Variants in GRIN2A observed in about 807,000 individuals in gnomAD.
GRIN2A encodes glutamate receptor ionotropic, NMDA 2A.
A neutral mutation model predicts 113.4 loss-of-function variants in GRIN2A; 22 were observed. The ratio of observed to expected loss-of-function variants is 0.19; its 90% CI spans 0.14 to 0.28. The LOEUF (loss-of-function observed/expected upper bound fraction) is 0.28. Among genes scored for constraint, GRIN2A ranks in the 10% least tolerant of loss-of-function variants. The pLI is 1.00. For synonymous variants in GRIN2A, 827 were observed against 738.4 expected (o/e 1.12, Z -1.94); for missense variants, 1,502 against 1,887.0 (o/e 0.80, Z 3.78).
chr16:9,852,120 A>G (rs923531367), intron 4 of GRIN2A, among the ~76,000 whole-genome samples: 3 of 152,210 alleles, frequency 2.0e-5, no homozygotes, highest in Non-Finnish European at 4.4e-5. Context: ...CAAACTCTAC[A>G]TGGTAAGCAT....
In GRIN2A at chr16:9,875,314, C is replaced by T. The variant is rs1190256192; in HGVS notation, c.1122+15672G>A. Among the ~76,000 whole-genome samples the T allele has an allele frequency of 2.0e-5, 3 of 152,116 alleles. No individual in the cohort carries two copies. In the South Asian group the frequency reaches 6.2e-4, roughly 32 times the overall value. On this transcript the variant is annotated intron_variant, in intron 4 of 12. Coordinates refer to ENST00000330684, the MANE Select transcript of GRIN2A (RefSeq NM_001134407.3). ...AGAAAGCACATTAAATCCTCCACAG[C>T]TTAGAGACCAATGCTGAGAATATGC... is the stretch of plus-strand genomic sequence containing the variant.
chr16:9,777,893 A>G (rs1211588349), intron 11 of GRIN2A, among the ~76,000 whole-genome samples: 2 of 152,130 alleles, frequency 1.3e-5, no homozygotes, highest in Admixed American at 6.5e-5. Context: ...GTGAAACCCT[A>G]TCTCTACTAA....
At chr16:10,173,233 A>G (rs940059579) in intron 2 of GRIN2A, among the ~76,000 whole-genome samples, 7 of 152,206 alleles carry the variant, frequency 4.6e-5, no homozygotes, top group Non-Finnish European at 1.0e-4. Flanking sequence ...GCAGGAGCTG[A>G]GTGGGCTCCA....
chr16:9,792,463 A>C (rs2141212522), intron 11 of GRIN2A, among the ~76,000 whole-genome samples: 1 of 152,224 alleles, frequency 6.6e-6, no homozygotes, highest in East Asian at 1.9e-4. Context: ...GATTCAAGCA[A>C]ACCTCCCACC....
intron 4 of GRIN2A, among the ~76,000 whole-genome samples, chr16:9,883,713 G>A (rs1035726567): frequency 1.3e-5 from 2 of 152,224 alleles, no homozygotes; most frequent in African/African-American, 4.8e-5. Context: ...GTGTCTGTGG[G>A]TCAGCCACGT....
intron 2 of GRIN2A, among the ~76,000 whole-genome samples, chr16:9,945,251 T>G (rs1374171529): frequency 1.3e-5 from 2 of 152,054 alleles, no homozygotes; most frequent in Non-Finnish European, 2.9e-5. Flanking sequence ...GGAGCCCCAC[T>G]CTAGGTCATC....
At chr16:10,153,319 C>G (rs1004693971) in intron 2 of GRIN2A, among the ~76,000 whole-genome samples, 1 of 152,234 alleles carries the variant, frequency 6.6e-6, no homozygotes, top group African/African-American at 2.4e-5. Context: ...CTCTGCCAAC[C>G]AGTCCACAAG....
At position 9,845,629 on chromosome 16, in the gene GRIN2A, C is replaced by T. The variant is rs186611137; in HGVS notation, c.1328+4127G>A. ...TCTAGCACTGCACTGGGTTTCATTC[C>T]GTTTCCCAAACTCCCAAGCTCCTTT... On this transcript the variant is annotated intron_variant, in intron 5 of 12. Coordinates refer to ENST00000330684, the MANE Select transcript of GRIN2A (RefSeq NM_001134407.3). Among the ~76,000 whole-genome samples, 159 of 152,296 alleles carry T rather than the reference C, an allele frequency of 1.0e-3. 1 individual carries two copies. Among genetic ancestry groups the T allele is most frequent in the Admixed American group, 9.5e-3 (146 of 15,288 alleles).
intron 2 of GRIN2A, among the ~76,000 whole-genome samples, chr16:9,968,504 G>T (rs962938139): frequency 4.6e-5 from 7 of 152,038 alleles, no homozygotes; most frequent in Admixed American, 2.6e-4. Context: ...GTAGATTTGG[G>T]GTTTCACCAT....
intron 3 of GRIN2A, among the ~76,000 whole-genome samples, chr16:9,903,264 G>A (rs540359231): frequency 2.0e-4 from 31 of 152,066 alleles, no homozygotes; most frequent in African/African-American, 5.5e-4. Flanking sequence ...CACCGTGCCC[G>A]GCCTCTCTTG....
chr16:10,177,613 C>T (rs1382534195), intron 2 of GRIN2A, among the ~76,000 whole-genome samples: 1 of 152,276 alleles, frequency 6.6e-6, no homozygotes, highest in East Asian at 1.9e-4. Context: ...TTCCTGATTC[C>T]TTTTCTCTTC....
intron 2 of GRIN2A, among the ~76,000 whole-genome samples, chr16:10,124,060 A>C (rs989405329): frequency 6.6e-6 from 1 of 152,222 alleles, no homozygotes; most frequent in Non-Finnish European, 1.5e-5. Flanking sequence ...CTCCAGAGAC[A>C]GATGAAGTGA....
At chr16:9,925,446 C>G (rs973704788) in intron 3 of GRIN2A, among the ~76,000 whole-genome samples, 1 of 152,132 alleles carries the variant, frequency 6.6e-6, no homozygotes, top group African/African-American at 2.4e-5. Flanking sequence ...CTAAGGTGGG[C>G]CTTAGGCAGA....
At chr16:10,020,206 G>A (rs768674138) in intron 2 of GRIN2A, among the ~76,000 whole-genome samples, 7 of 152,184 alleles carry the variant, frequency 4.6e-5, no homozygotes, top group Non-Finnish European at 1.0e-4. Flanking sequence ...GAGGTCAGGA[G>A]TTCAAGACCA....
chr16:10,102,675 T>G (rs1216088583), intron 2 of GRIN2A, among the ~76,000 whole-genome samples: 10 of 152,162 alleles, frequency 6.6e-5, no homozygotes, highest in Admixed American at 5.9e-4. Context: ...GCCTCCCAAG[T>G]AGCTGGGATT....
At chr16:10,071,677 T>C (rs1322415070) in intron 2 of GRIN2A, among the ~76,000 whole-genome samples, 5 of 152,302 alleles carry the variant, frequency 3.3e-5, no homozygotes, top group Non-Finnish European at 7.4e-5. Flanking sequence ...AGGGATGTAC[T>C]GAGCCTGTAC....
At chr16:9,931,642 C>G (rs1596608734) in intron 3 of GRIN2A, among the ~76,000 whole-genome samples, 1 of 152,122 alleles carries the variant, frequency 6.6e-6, no homozygotes, top group Admixed American at 6.5e-5. Context: ...GGGTTTTGGT[C>G]TGAAAAACAT....
chr16:10,077,709 T>G lies in GRIN2A; in HGVS notation c.414+102289A>C, dbSNP rs2047901611. Among the ~76,000 whole-genome samples, 3 of 152,208 alleles carry G rather than the reference T, an allele frequency of 2.0e-5. No homozygotes were observed. In the South Asian group the frequency reaches 6.2e-4, roughly 32 times the overall value. ...ATCTCCTTCCATCCCCAAGCCAGCT[T>G]GGCCTCTTAAATGCTTCTGAAACAC... On this transcript the variant is annotated intron_variant, in intron 2 of 12. Transcript: ENST00000330684.
intron 2 of GRIN2A, among the ~76,000 whole-genome samples, chr16:10,169,490 A>G (rs985045714): frequency 6.6e-6 from 1 of 152,214 alleles, no homozygotes; most frequent in Non-Finnish European, 1.5e-5. Context: ...GTCTACTCCA[A>G]TGAAAGGATA....
Sources: allele counts gnomAD v4.1 joint callset (sites outside exome capture counted in the v4.1 genomes callset), GRCh38; gene constraint gnomAD v4.1.1; transcripts MANE v1.5; gene names NCBI Gene and HGNC (gene_info 2026-07-23, HGNC 2026-07-21).